Variants in ABCA5 observed in about 807,000 individuals in gnomAD.
The protein encoded by ABCA5 is cholesterol transporter ABCA5.
Under a neutral mutation model 206.0 loss-of-function variants are expected in ABCA5, and 163 were observed. The ratio of observed to expected loss-of-function variants is 0.79; its 90% CI spans 0.70 to 0.90. The LOEUF is 0.90. ABCA5 is among the 40% of genes least tolerant of loss of function. The pLI is 0.00. For synonymous variants in ABCA5, 609 were observed against 613.8 expected (o/e 0.99, Z 0.11); for missense variants, 1,859 against 1,912.9 (o/e 0.97, Z 0.53).
chr17:69,267,478 A>G (rs1222869020), intron 23 of ABCA5, among the ~76,000 whole-genome samples: 2 of 152,212 alleles, frequency 1.3e-5, no homozygotes, highest in African/African-American at 4.8e-5. Context: ...CCTAATGATG[A>G]CAATCACTTT....
At position 69,313,121 on chromosome 17, in the gene ABCA5, T is replaced by C. The variant is rs1372534178; in HGVS notation, c.278A>G (p.Gln93Arg). The change falls in exon 3 of 39, where the codon CAG (glutamine) becomes CGG (arginine). Residue 93 changes from glutamine to arginine, a missense_variant. Coordinates refer to ENST00000392676, the MANE Select transcript of ABCA5 (RefSeq NM_172232.4). ...PVTNITSSIM[Q>R]KVSTDHLPDV... is the part of the protein sequence containing the mutation. ...AGGTAGATGATCAGTAGACACTTTC[T>C]GCATGATGCTGCTTGTAATATTAGT... is the stretch of plus-strand genomic sequence containing the variant. The C allele has an allele frequency of 1.9e-6, 3 of 1,610,962 alleles. No homozygotes were observed. Among genetic ancestry groups the C allele is most frequent in the Non-Finnish European group, 2.5e-6 (3 of 1,178,304 alleles).
chr17:69,255,676 C>T (rs750151421), intron 30 of ABCA5, 42 bp from the exon 31 acceptor site: 1 of 1,572,824 alleles, frequency 6.4e-7, no homozygotes, highest in Non-Finnish European at 8.6e-7. Context: ...TCAAATCATA[C>T]TAAAAGTAGA....
rs1314281535 is a variant in ABCA5, at chr17:69,313,139, A to G, written c.260T>C (p.Ile87Thr). 16 of 1,612,050 alleles carry G rather than the reference A, an allele frequency of 9.9e-6. No homozygotes were observed. Among genetic ancestry groups the G allele is most frequent in the Non-Finnish European group, 1.4e-5 (16 of 1,178,820 alleles). The change falls in exon 3 of 39, where the codon ATT (isoleucine) becomes ACT (threonine). Residue 87 changes from isoleucine (I) to threonine (T), a missense_variant. Coordinates refer to ENST00000392676, the MANE Select transcript of ABCA5 (RefSeq NM_172232.4). ...CACTTTCTGCATGATGCTGCTTGTA[A>G]TATTAGTCACTGGAGTATATCCAAG... ...LILGYTPVTN[I>T]TSSIMQKVST...
At position 69,247,508 on chromosome 17, in the gene ABCA5, TC is replaced by T; in HGVS notation, c.*28del. 1 of 1,400,490 alleles carries T rather than the reference TC, an allele frequency of 7.1e-7. No individual in the cohort carries two copies. Among genetic ancestry groups the T allele is most frequent in the Admixed American group, 2.4e-5 (1 of 41,328 alleles). 86.8% of individuals were successfully genotyped at this position (1,400,490 alleles called of 1,614,324 possible). ...TAAAATTAAGTGAAAAAGAAAGAAG[TC>T]CCAGTAAGCAGACCGAACAATACAA... On this transcript the variant is annotated 3_prime_UTR_variant, in exon 39 of 39. Transcript: ENST00000392676.
intron 18 of ABCA5, 30 bp downstream of exon 18, chr17:69,283,923 C>A (rs756797134): frequency 6.3e-7 from 1 of 1,594,886 alleles, no homozygotes. Flanking sequence ...TGATTCATTG[C>A]CTAAAATGTT....
chr17:69,290,116 T>C, intron 12 of ABCA5, 79 bp from the exon 13 acceptor site: 3 of 1,031,572 alleles, frequency 2.9e-6, no homozygotes, highest in Non-Finnish European at 4.0e-6. Context: ...ATAACTTAGT[T>C]ATTTGGTTAT....
At chr17:69,299,471 T>TACACACACACACACAC (rs71144671) in intron 9 of ABCA5, among the ~76,000 whole-genome samples, 6,848 of 142,342 alleles carry the variant, frequency 0.048, 195 homozygotes, top group Non-Finnish European at 0.061. Flanking sequence ...CACACACACA[T>TACACACACACACACAC]ACACACACAC....
chr17:69,278,412 A>G (rs1332355417), intron 18 of ABCA5, among the ~76,000 whole-genome samples: 1 of 152,206 alleles, frequency 6.6e-6, no homozygotes, highest in Non-Finnish European at 1.5e-5. Context: ...CATGTTTGAG[A>G]GTCCTCTCCT....
chr17:69,281,140 T>C (rs1046709606), intron 18 of ABCA5, among the ~76,000 whole-genome samples: 2 of 151,852 alleles, frequency 1.3e-5, no homozygotes, highest in East Asian at 3.9e-4. Flanking sequence ...AATTGAGGTT[T>C]ATTTTAAACT....
At chr17:69,299,358 C>T (rs1555583094) in intron 9 of ABCA5, among the ~76,000 whole-genome samples, 1 of 151,980 alleles carries the variant, frequency 6.6e-6, no homozygotes, top group Non-Finnish European at 1.5e-5. Context: ...AAATATACTT[C>T]CCCACACATG....
At position 69,294,692 on chromosome 17, in the gene ABCA5, T is replaced by A. The variant is rs1234620409; in HGVS notation, c.1458A>T (p.Thr486=). ...CCACATTTTCACCCTTCTTTCTGTA[T>A]GTCTTCTGAATACCACTAATTCTGA... ...EAIRISGIQK[T]YRKKGENVEA... is the part of the protein sequence containing the mutation. Residue 486 remains threonine (T), a synonymous_variant, in exon 11 of 39, where the codon ACA becomes ACT. Transcript: ENST00000392676. The A allele has an allele frequency of 2.5e-6, 4 of 1,606,834 alleles. No individual in the cohort carries two copies. Among genetic ancestry groups the A allele is most frequent in the South Asian group, 1.1e-5 (1 of 90,368 alleles).
At chr17:69,284,799 G>C (rs1002081369) in intron 17 of ABCA5, among the ~76,000 whole-genome samples, 1 of 152,140 alleles carries the variant, frequency 6.6e-6, no homozygotes, top group African/African-American at 2.4e-5. Flanking sequence ...GAGAAGCTGA[G>C]GGTCAATAAG....
intron 18 of ABCA5, among the ~76,000 whole-genome samples, chr17:69,279,280 C>A (rs1281539856): frequency 1.7e-4 from 26 of 151,954 alleles, no homozygotes; most frequent in Admixed American, 1.7e-3. Context: ...CTCCCATTCA[C>A]AATTGCTTCA....
intron 19 of ABCA5, 97 bp from the exon 20 acceptor site, chr17:69,274,225 T>G (rs2075305963): frequency 1.7e-6 from 2 of 1,185,138 alleles, no homozygotes; most frequent in Non-Finnish European, 2.3e-6. Context: ...TGGACTTTTT[T>G]TGTTTTTATT....
At chr17:69,285,719 AT>A (rs5821703) in intron 17 of ABCA5, among the ~76,000 whole-genome samples, 178 bp downstream of exon 17, 2 of 151,968 alleles carry the variant, frequency 1.3e-5, no homozygotes, top group Non-Finnish European at 2.9e-5. Flanking sequence ...AAAAAAAAAA[AT>A]TTTGCTGTGT....
intron 13 of ABCA5, 38 bp from the exon 14 acceptor site, chr17:69,289,334 T>C: frequency 7.0e-7 from 1 of 1,437,728 alleles, no homozygotes; most frequent in Non-Finnish European, 9.2e-7. Flanking sequence ...ATTTTAAAAA[T>C]CATACCATTT....
chr17:69,311,514 T>C (rs2075769523), intron 3 of ABCA5, among the ~76,000 whole-genome samples: 1 of 152,170 alleles, frequency 6.6e-6, no homozygotes, highest in Non-Finnish European at 1.5e-5. Flanking sequence ...TTTGAGATAT[T>C]GAGTGTTGCT....
chr17:69,265,114 T>A (rs952410755), intron 23 of ABCA5, among the ~76,000 whole-genome samples: 3 of 152,108 alleles, frequency 2.0e-5, no homozygotes, highest in Non-Finnish European at 2.9e-5. Flanking sequence ...GATGTAACAA[T>A]TTCAACAAAA....
intron 24 of ABCA5, among the ~76,000 whole-genome samples, chr17:69,262,864 A>C (rs545817514): frequency 2.0e-5 from 3 of 152,136 alleles, no homozygotes; most frequent in East Asian, 3.9e-4. Flanking sequence ...AGAGTATATA[A>C]GCATTTCATT....
Sources: gnomAD v4.1 joint callset for allele counts (sites outside exome capture counted in the v4.1 genomes callset) on GRCh38, gnomAD v4.1.1 for gene constraint, MANE v1.5 for transcripts, NCBI Gene and HGNC (gene_info 2026-07-23, HGNC 2026-07-21) for gene names.